TASP1: variants seen among roughly 807,000 people sequenced by gnomAD.
TASP1 encodes threonine aspartase 1.
Under a neutral mutation model 56.6 loss-of-function variants are expected in TASP1, and 16 were observed. The ratio of observed to expected loss-of-function variants is 0.28; its 90% CI spans 0.19 to 0.43. TASP1 has a LOEUF of 0.43. TASP1 is among the 20% of genes least tolerant of loss of function. TASP1 has a pLI of 1.00. For synonymous variants in TASP1, 179 were observed against 184.2 expected (o/e 0.97, Z 0.23); for missense variants, 393 against 511.6 (o/e 0.77, Z 2.24).
the TASP1 span, chr20:13,299,779 A>G: frequency 7.7e-6 from 2 of 258,538 alleles, no homozygotes; most frequent in East Asian, 6.8e-5. The surrounding 1 kb of genome is among the most constrained non-coding windows in gnomAD (Gnocchi z 5.8). Context: ...CCGGATCCAG[A>G]GTTTCAAAGA....
the TASP1 span, among the ~76,000 whole-genome samples, chr20:13,195,554 G>A: frequency 6.6e-6 from 1 of 152,142 alleles, no homozygotes; most frequent in Admixed American, 6.5e-5. Context: ...GGCACAGCAT[G>A]ATTAAACTCT....
chr20:13,247,100 A>C, the TASP1 span, among the ~76,000 whole-genome samples: 5,527 of 152,088 alleles, frequency 0.036, 173 homozygotes, highest in African/African-American at 0.077. Flanking sequence ...GTGTGGTGGC[A>C]CATGCTTGTA....
chr20:13,116,963 G>T, the TASP1 span, among the ~76,000 whole-genome samples: 1 of 152,230 alleles, frequency 6.6e-6, no homozygotes, highest in African/African-American at 2.4e-5. Flanking sequence ...TTGACTTGAA[G>T]TGGGTATTGA....
intron 7 of TASP1, among the ~76,000 whole-genome samples, chr20:13,567,118 C>A (rs780818590): frequency 5.3e-5 from 8 of 152,132 alleles, no homozygotes; most frequent in Non-Finnish European, 1.2e-4. Context: ...AAGATCATGT[C>A]TTTAGCACGA....
At chr20:13,444,017 A>G (rs2043311534) in intron 11 of TASP1, among the ~76,000 whole-genome samples, 1 of 152,212 alleles carries the variant, frequency 6.6e-6, no homozygotes, top group Non-Finnish European at 1.5e-5. Flanking sequence ...TTGGTGCTGT[A>G]TTCTTGAACA....
rs200759324 is a variant in TASP1, at chr20:13,590,687, G to GA, written c.283-3318dup. Among the ~76,000 whole-genome samples the GA allele has an allele frequency of 4.0e-3, 603 of 152,022 alleles. 4 individuals are homozygous for GA. Among genetic ancestry groups the GA allele is most frequent in the Middle Eastern group, 0.014 (4 of 294 alleles). On this transcript the variant is annotated intron_variant, in intron 4 of 13. Coordinates refer to ENST00000337743, the MANE Select transcript of TASP1 (RefSeq NM_017714.3). ...TCGAGACCAGCCTGGCCAACATGGTGAAACCCCATCTCTACTAAAAATACA... is the reference window on the plus strand; with the variant it reads ...TCGAGACCAGCCTGGCCAACATGGTGAAAACCCCATCTCTACTAAAAATACA...
chr20:13,214,586 G>GAGAGAGAGAC, the TASP1 span, among the ~76,000 whole-genome samples: 1 of 150,536 alleles, frequency 6.6e-6, no homozygotes, highest in Non-Finnish European at 1.5e-5. Context: ...GAGAGAGAGA[G>GAGAGAGAGAC]AGACAGAAAG....
chr20:13,349,232 C>T, the TASP1 span, among the ~76,000 whole-genome samples: 1 of 152,146 alleles, frequency 6.6e-6, no homozygotes, highest in Non-Finnish European at 1.5e-5. Context: ...GGAAGACCCT[C>T]AGGAGGCCTC....
At chr20:13,514,419 C>T (rs2044447288) in intron 10 of TASP1, among the ~76,000 whole-genome samples, 1 of 152,112 alleles carries the variant, frequency 6.6e-6, no homozygotes, top group African/African-American at 2.4e-5. Context: ...GAAGTGAGAA[C>T]ATCCATGATA....
At chr20:13,582,128 A>G (rs1174473364) in intron 5 of TASP1, among the ~76,000 whole-genome samples, 1 of 151,648 alleles carries the variant, frequency 6.6e-6, no homozygotes, top group Non-Finnish European at 1.5e-5. Flanking sequence ...AAATACAAAA[A>G]AAAAAAAAAA....
chr20:13,483,717 A>C (rs1368887699), intron 10 of TASP1, among the ~76,000 whole-genome samples: 1 of 152,226 alleles, frequency 6.6e-6, no homozygotes, highest in Non-Finnish European at 1.5e-5. Flanking sequence ...TCAGTTCATA[A>C]AAGTGTGAAT....
the TASP1 span, among the ~76,000 whole-genome samples, chr20:13,178,910 T>C: frequency 6.6e-6 from 1 of 152,094 alleles, no homozygotes; most frequent in Non-Finnish European, 1.5e-5. Flanking sequence ...TTCAAACAGC[T>C]AGAAGGAGGA....
chr20:13,151,650 CAT>C, the TASP1 span, among the ~76,000 whole-genome samples: 1 of 152,192 alleles, frequency 6.6e-6, no homozygotes, highest in Non-Finnish European at 1.5e-5. Context: ...CTGCATATAC[CAT>C]ATTGTTAACA....
At chr20:13,159,671 A>G in the TASP1 span, among the ~76,000 whole-genome samples, 928 of 152,294 alleles carry the variant, frequency 6.1e-3, 13 homozygotes, top group African/African-American at 0.021. Context: ...GATGGATTTT[A>G]TATCACTGCA....
chr20:13,144,685 C>T, the TASP1 span, among the ~76,000 whole-genome samples: 1 of 152,208 alleles, frequency 6.6e-6, no homozygotes, highest in Non-Finnish European at 1.5e-5. Flanking sequence ...CACAGTTACC[C>T]AGTGAGTTTT....
At chr20:13,167,603 G>A in the TASP1 span, 7 of 152,166 alleles carry the variant, frequency 4.6e-5, no homozygotes, top group Non-Finnish European at 8.8e-5. Context: ...TTTGTAAGGA[G>A]GCTATCTCTG....
chr20:13,485,661 T>C lies in TASP1; in HGVS notation c.875-2324A>G, dbSNP rs570485355. 2.0e-5 allele frequency among the ~76,000 whole-genome samples: 3 copies of C among 152,274 alleles called. No individual in the cohort carries two copies. In the South Asian group the frequency reaches 6.2e-4, roughly 32 times the overall value. ...TTCCCTATTCAGTAAATTTTTGCAA[T>C]ATTGTTTTTATAATCGGGAAAAAGA... On this transcript the variant is annotated intron_variant, in intron 10 of 13. Coordinates refer to ENST00000337743, the MANE Select transcript of TASP1 (RefSeq NM_017714.3).
chr20:13,369,539 G>A, the TASP1 span, among the ~76,000 whole-genome samples: 7 of 152,332 alleles, frequency 4.6e-5, no homozygotes, highest in South Asian at 1.5e-3. Context: ...AGCAGAGATG[G>A]TGCATGGGTC....
intron 13 of TASP1, among the ~76,000 whole-genome samples, chr20:13,392,295 T>G (rs1396092474): frequency 6.6e-6 from 1 of 152,292 alleles, no homozygotes; most frequent in Non-Finnish European, 1.5e-5. Context: ...GCCCTGCTCA[T>G]ACATCTCTCT....
Sources: gnomAD v4.1 joint callset for allele counts (sites outside exome capture counted in the v4.1 genomes callset) on GRCh38, gnomAD v4.1.1 for gene constraint, Gnocchi (gnomAD v3.1) non-coding constraint, MANE v1.5 for transcripts, NCBI Gene and HGNC (gene_info 2026-07-23, HGNC 2026-07-21) for gene names.